The following RORA variants were observed in gnomAD, a reference collection of about 807,000 sequenced individuals.
RORA encodes the protein RAR related orphan receptor A, also known as nuclear receptor ROR-alpha.
Under a neutral mutation model 69.5 loss-of-function variants are expected in RORA, and 7 were observed. That is an observed-to-expected ratio of 0.10 (90% CI 0.06 to 0.19). RORA has a LOEUF of 0.19. Ranked by LOEUF, RORA falls within the 10% of genes least tolerant of loss-of-function variation. The pLI, the probability that RORA is intolerant of heterozygous loss-of-function variation, is 1.00. For missense variants in RORA, 457 were observed against 663.0 expected, an observed-to-expected ratio of 0.69 and a Z score of 3.41; for synonymous variants, 261 against 240.8, an observed-to-expected ratio of 1.08 and a Z score of -0.78.
chr15:61,180,143 C>CAAAA (rs71456351), intron 1 of RORA, among the ~76,000 whole-genome samples: 8 of 36,658 alleles, frequency 2.2e-4, no homozygotes, highest in African/African-American at 2.9e-4. Flanking sequence ...GACTCCATCT[C>CAAAA]AAAAAAAAAA....
intron 1 of RORA, among the ~76,000 whole-genome samples, chr15:61,133,180 C>A (rs1467391345): frequency 2.0e-5 from 3 of 151,850 alleles, no homozygotes; most frequent in African/African-American, 7.3e-5. Context: ...TAAGGAAATA[C>A]TTTTCAAATT....
At chr15:61,162,807 G>A (rs1382920626) in intron 1 of RORA, among the ~76,000 whole-genome samples, 1 of 152,106 alleles carries the variant, frequency 6.6e-6, no homozygotes, top group Non-Finnish European at 1.5e-5. Flanking sequence ...TCAATAAATG[G>A]GCTGTCTGTG....
chr15:60,694,639 G>A (rs1245554035), intron 1 of RORA, among the ~76,000 whole-genome samples: 1 of 152,154 alleles, frequency 6.6e-6, no homozygotes, highest in Non-Finnish European at 1.5e-5. Context: ...TCACTGCCAG[G>A]GTGACAGACT....
chr15:61,227,589 T>C (rs2080159180), intron 1 of RORA, among the ~76,000 whole-genome samples: 1 of 151,370 alleles, frequency 6.6e-6, no homozygotes, highest in Non-Finnish European at 1.5e-5. Context: ...GGGGGGGGGA[T>C]ACTGTAAAAC....
chr15:61,052,459 G>A (rs539514538), intron 1 of RORA, among the ~76,000 whole-genome samples: 2 of 152,152 alleles, frequency 1.3e-5, no homozygotes, highest in Non-Finnish European at 2.9e-5. Context: ...TTCTAGTATC[G>A]TACGATGCTG....
Position 60,833,167 on chromosome 15 carries a change from A to G in RORA, c.167-154481T>C, listed in dbSNP as rs889165748. ...GATCCGCCCGCCTCGGCCTCTCAAA[A>G]TGCTGGGATTACAGGCATGACCACC... On this transcript the variant is annotated intron_variant, in intron 1 of 10. Coordinates refer to ENST00000335670, the MANE Select transcript of RORA (RefSeq NM_134261.3). 4.0e-5 allele frequency among the ~76,000 whole-genome samples: 6 copies of G among 151,034 alleles called. No homozygotes were observed. The East Asian group carries it at 5.9e-4, about 15-fold the overall frequency.
chr15:60,860,077 A>G (rs538758339), intron 1 of RORA, among the ~76,000 whole-genome samples: 1 of 152,176 alleles, frequency 6.6e-6, no homozygotes, highest in Non-Finnish European at 1.5e-5. Context: ...CTTGATGGGA[A>G]GCTGGCATGA....
chr15:60,960,750 G>A (rs1893395542), intron 1 of RORA, among the ~76,000 whole-genome samples: 1 of 150,702 alleles, frequency 6.6e-6, no homozygotes, highest in African/African-American at 2.4e-5. Context: ...TCACTTGATC[G>A]CCTCTGGATT....
rs370272016 is a variant in RORA at position 60,993,410 on chromosome 15, C to A, written c.166+235643G>T. Among the ~76,000 whole-genome samples, 5 of 151,940 alleles carry A rather than the reference C, an allele frequency of 3.3e-5. No homozygotes were observed. The South Asian group carries it at 1.0e-3, about 32-fold the overall frequency. On this transcript the variant is annotated intron_variant, in intron 1 of 10. Transcript: ENST00000335670. ...TCCCAGCACTTTGAGAGGCCAAGGT[C>A]GGTGGATTACCTGAGGTCAGGAGTT... is the stretch of plus-strand genomic sequence containing the variant.
At chr15:60,946,134 C>A (rs1332978227) in intron 1 of RORA, among the ~76,000 whole-genome samples, 1 of 152,120 alleles carries the variant, frequency 6.6e-6, no homozygotes, top group Non-Finnish European at 1.5e-5. Flanking sequence ...AGCGGGTGTG[C>A]TGAGGGTGAT....
intron 1 of RORA, among the ~76,000 whole-genome samples, chr15:61,083,858 A>G (rs1595964854): frequency 6.6e-6 from 1 of 152,102 alleles, no homozygotes; most frequent in East Asian, 1.9e-4. Context: ...GAGGGAGAAC[A>G]TAAAAGGAGG....
At chr15:61,062,913 C>G (rs1270917363) in intron 1 of RORA, among the ~76,000 whole-genome samples, 1 of 152,108 alleles carries the variant, frequency 6.6e-6, no homozygotes, top group Admixed American at 6.5e-5. Flanking sequence ...CTCTTGTTTT[C>G]TATATTTGTT....
At chr15:61,025,029 A>T (rs1895730765) in intron 1 of RORA, among the ~76,000 whole-genome samples, 1 of 152,090 alleles carries the variant, frequency 6.6e-6, no homozygotes, top group South Asian at 2.1e-4. Flanking sequence ...AAAGTGCCCC[A>T]AGGTTTTCGG....
At chr15:61,005,912 T>C (rs1223146857) in intron 1 of RORA, among the ~76,000 whole-genome samples, 1 of 152,162 alleles carries the variant, frequency 6.6e-6, no homozygotes, top group African/African-American at 2.4e-5. Flanking sequence ...CATAGTCACC[T>C]CTTAGTGGTA....
chr15:60,670,326 C>T (rs894620330), intron 2 of RORA, among the ~76,000 whole-genome samples: 1 of 151,874 alleles, frequency 6.6e-6, no homozygotes, highest in African/African-American at 2.4e-5. Flanking sequence ...TATCCTGCCT[C>T]AGCCTCCCTA....
chr15:60,782,498 T>G (rs1487534759), intron 1 of RORA, among the ~76,000 whole-genome samples: 1 of 152,228 alleles, frequency 6.6e-6, no homozygotes, highest in African/African-American at 2.4e-5. Context: ...TTTTGGTAAG[T>G]CCGTTTCTCT....
At chr15:60,642,373 G>A (rs181658279) in intron 2 of RORA, among the ~76,000 whole-genome samples, 20 of 152,342 alleles carry the variant, frequency 1.3e-4, no homozygotes, top group Admixed American at 9.8e-4. Context: ...GAACCGGTGA[G>A]TAGAAGCTAC....
chr15:60,822,281 A>C (rs1422359691), intron 1 of RORA, among the ~76,000 whole-genome samples: 2 of 152,182 alleles, frequency 1.3e-5, no homozygotes, highest in African/African-American at 4.8e-5. Flanking sequence ...AAGGAGTGCT[A>C]TGACTTGCCA....
At chr15:60,717,792 TTC>T (rs1249795939) in intron 1 of RORA, among the ~76,000 whole-genome samples, 7 of 124,512 alleles carry the variant, frequency 5.6e-5, no homozygotes, top group Admixed American at 1.8e-4. Context: ...TTTTTTCTTT[TTC>T]TCTTTTTTTT....
Sources: gnomAD v4.1 joint callset for allele counts (sites outside exome capture counted in the v4.1 genomes callset) on GRCh38, gnomAD v4.1.1 for gene constraint, MANE v1.5 for transcripts, NCBI Gene and HGNC (gene_info 2026-07-23, HGNC 2026-07-21) for gene names.